The following GLI3 variants were observed in gnomAD, a reference collection of about 807,000 sequenced individuals.
GLI3 encodes the protein GLI family zinc finger 3, also known as transcription activator GLI3.
A neutral mutation model predicts 100.8 loss-of-function variants in GLI3; 20 were observed. The ratio of observed to expected loss-of-function variants is 0.20; its 90% CI spans 0.14 to 0.29. GLI3 has a LOEUF of 0.29. GLI3 is among the 10% of genes least tolerant of loss of function. The probability of loss-of-function intolerance (pLI) is 1.00; values close to 1 mark genes in which losing one functional copy is unlikely to be tolerated. For synonymous variants in GLI3, 938 were observed against 860.5 expected (o/e 1.09, Z -1.58); for missense variants, 2,040 against 2,128.5 (o/e 0.96, Z 0.82).
chr7:42,153,217 C>T (rs888361761), intron 2 of GLI3, among the ~76,000 whole-genome samples: 1 of 152,152 alleles, frequency 6.6e-6, no homozygotes, highest in Non-Finnish European at 1.5e-5. Flanking sequence ...CGCAGTGTCA[C>T]AGAAGGATTT....
At chr7:42,222,487 T>C (rs1788504783) in intron 2 of GLI3, among the ~76,000 whole-genome samples, 1 of 152,194 alleles carries the variant, frequency 6.6e-6, no homozygotes, top group Non-Finnish European at 1.5e-5. Flanking sequence ...GCTCTGGAAT[T>C]TATTTTCAAC....
chr7:42,208,627 A>G (rs3801222), intron 2 of GLI3, among the ~76,000 whole-genome samples: 55,613 of 152,094 alleles, frequency 0.37, 12,037 homozygotes, highest in East Asian at 0.72. Flanking sequence ...TTCCACTCCA[A>G]AAAGTTTAAT....
intron 3 of GLI3, among the ~76,000 whole-genome samples, chr7:42,086,302 G>C (rs1418369226): frequency 1.3e-5 from 2 of 152,172 alleles, no homozygotes; most frequent in African/African-American, 4.8e-5. Flanking sequence ...GGGGGAGACA[G>C]TAGTAGAGCT....
chr7:42,256,778 A>G (rs1056100313), intron 1 of GLI3, among the ~76,000 whole-genome samples: 1 of 152,116 alleles, frequency 6.6e-6, no homozygotes, highest in African/African-American at 2.4e-5. Flanking sequence ...TTTGTTTTTC[A>G]TATAAATTTT....
intron 3 of GLI3, among the ~76,000 whole-genome samples, chr7:42,085,409 T>C (rs1562720902): frequency 6.6e-6 from 1 of 152,196 alleles, no homozygotes; most frequent in Non-Finnish European, 1.5e-5. Context: ...TTCATAATAG[T>C]ATATATCTTC....
chr7:42,066,516 C>T (rs1187897636), intron 4 of GLI3, among the ~76,000 whole-genome samples: 2 of 152,160 alleles, frequency 1.3e-5, no homozygotes, highest in Admixed American at 6.5e-5. Context: ...CTGGATCGCA[C>T]TTCAGATCAC....
rs1387421330 is a variant in GLI3 at position 41,964,561 on chromosome 7, A to C, written c.4512T>G (p.Ile1504Met). 9.3e-6 allele frequency: 15 copies of C among 1,613,898 alleles called. No individual in the cohort carries two copies. The Admixed American group carries it at 2.5e-4, about 27-fold the overall frequency. The change falls in exon 15 of 15, where the codon ATT (isoleucine) becomes ATG (methionine). Residue 1504 changes from isoleucine (I) to methionine (M), a missense_variant. By Grantham distance (10) the Ile-to-Met change is conservative. This residue lies in a region of GLI3 where 1,041 missense variants were observed against 924.0 expected (regional missense o/e 1.13). Coordinates refer to ENST00000395925, the MANE Select transcript of GLI3 (RefSeq NM_000168.6). ...CATCGTCTATGATGGCATCGAAGTC[A>C]ATCTGTACCCCTTCCAGGTCATGGC... is the stretch of plus-strand genomic sequence containing the variant. ...LDSHDLEGVQ[I>M]DFDAIIDDGD...
intron 2 of GLI3, among the ~76,000 whole-genome samples, chr7:42,167,952 A>C (rs1237042607): frequency 6.6e-6 from 1 of 152,206 alleles, no homozygotes; most frequent in Non-Finnish European, 1.5e-5. Context: ...GCCTGAATCC[A>C]ATTTCTTACC....
At chr7:42,223,080 A>G (rs746425219) in intron 2 of GLI3, 50 bp downstream of exon 2, 34 of 1,608,842 alleles carry the variant, frequency 2.1e-5, no homozygotes, top group Non-Finnish European at 2.9e-5. Context: ...AATGCAGAGA[A>G]CACAGAAATG....
At chr7:42,055,070 CATATATATGTATAT>C (rs1188169747) in intron 4 of GLI3, among the ~76,000 whole-genome samples, 2 of 136,632 alleles carry the variant, frequency 1.5e-5, no homozygotes, top group East Asian at 3.9e-4. Context: ...TATATGTATA[CATATATATGTATAT>C]ATACATATAT....
At chr7:42,021,739 ATGAGAC>A (rs1788949380) in intron 10 of GLI3, among the ~76,000 whole-genome samples, 1 of 152,208 alleles carries the variant, frequency 6.6e-6, no homozygotes, top group African/African-American at 2.4e-5. Flanking sequence ...AAACGGCACC[ATGAGAC>A]TGTCACCTTC....
intron 10 of GLI3, among the ~76,000 whole-genome samples, chr7:42,012,615 C>T (rs1182576128): frequency 6.6e-6 from 1 of 152,092 alleles, no homozygotes; most frequent in East Asian, 1.9e-4. Flanking sequence ...ATCTGTAATT[C>T]CGTAAAGGCT....
rs1347493744 is a variant in GLI3, at chr7:42,026,186, C to T, written c.1242+13G>A. 1.9e-6 allele frequency: 3 copies of T among 1,599,558 alleles called. No individual in the cohort carries two copies. The highest frequency in any genetic ancestry group is 3.4e-4 in the Middle Eastern group (2 of 5,864). Reference sequence around the variant, plus strand: ...GACCAGCACGGCCGGGTGCATCGACCTGTCCCTCTCACCTGTGAGGACTCA... The same window carrying T: ...GACCAGCACGGCCGGGTGCATCGACTTGTCCCTCTCACCTGTGAGGACTCA... On this transcript the variant is annotated intron_variant, in intron 8 of 14. Coordinates refer to ENST00000395925, the MANE Select transcript of GLI3 (RefSeq NM_000168.6).
At chr7:42,183,316 G>T (rs887664978) in intron 2 of GLI3, among the ~76,000 whole-genome samples, 1 of 152,158 alleles carries the variant, frequency 6.6e-6, no homozygotes, top group Non-Finnish European at 1.5e-5. Flanking sequence ...CTCCATATTT[G>T]CTTTTCACCA....
chr7:42,066,074 C>A (rs968712466), intron 4 of GLI3, among the ~76,000 whole-genome samples: 6 of 152,238 alleles, frequency 3.9e-5, no homozygotes, highest in African/African-American at 1.2e-4. Context: ...AGACTTGTGG[C>A]TCGGAGGAAT....
At chr7:42,111,299 G>C (rs1324161821) in intron 3 of GLI3, among the ~76,000 whole-genome samples, 13 of 152,164 alleles carry the variant, frequency 8.5e-5, no homozygotes, top group Non-Finnish European at 1.9e-4. Context: ...CATAAGATCT[G>C]CTCAGGTGAG....
At chr7:42,171,196 T>C (rs1484314124) in intron 2 of GLI3, among the ~76,000 whole-genome samples, 2 of 152,226 alleles carry the variant, frequency 1.3e-5, no homozygotes, top group African/African-American at 4.8e-5. Context: ...GAAGTCTGTA[T>C]GAGATGTGAT....
At chr7:42,055,623 T>C (rs1436266303) in intron 4 of GLI3, among the ~76,000 whole-genome samples, 1 of 152,150 alleles carries the variant, frequency 6.6e-6, no homozygotes, top group East Asian at 1.9e-4. Context: ...CTATTACTTG[T>C]TTGTCCCCTT....
At chr7:42,231,385 T>C (rs2128705692) in intron 1 of GLI3, among the ~76,000 whole-genome samples, 1 of 152,334 alleles carries the variant, frequency 6.6e-6, no homozygotes. Flanking sequence ...GATTATCCAG[T>C]AAAAATTACC....
Sources: gnomAD v4.1 joint callset for allele counts (sites outside exome capture counted in the v4.1 genomes callset) on GRCh38, gnomAD v4.1.1 for gene constraint, gnomAD v4.1.1 regional missense constraint, MANE v1.5 for transcripts, NCBI Gene and HGNC (gene_info 2026-07-23, HGNC 2026-07-21) for gene names.